MMRN1: variants seen among roughly 807,000 people sequenced by gnomAD.
MMRN1 encodes multimerin-1.
Under a neutral mutation model 100.7 loss-of-function variants are expected in MMRN1, and 94 were observed. The observed-to-expected ratio is 0.93, with a 90% CI of 0.79 to 1.11. MMRN1 has a LOEUF of 1.11. MMRN1 is among the 50% of genes least tolerant of loss of function. The pLI is 0.00. For missense variants in MMRN1, 1,606 were observed against 1,439.1 expected (o/e 1.12, Z -1.88); for synonymous variants, 575 against 505.0 (o/e 1.14, Z -1.86).
intron 6 of MMRN1, among the ~76,000 whole-genome samples, chr4:89,938,143 TA>T (rs1266718352): frequency 6.6e-6 from 1 of 151,926 alleles, no homozygotes; most frequent in East Asian, 1.9e-4. Context: ...AATGTTTTGA[TA>T]ATATTAAAAA....
At chr4:89,918,775 A>T (rs1721998748) in intron 3 of MMRN1, among the ~76,000 whole-genome samples, 1 of 151,882 alleles carries the variant, frequency 6.6e-6, no homozygotes, top group Non-Finnish European at 1.5e-5. Flanking sequence ...ATTATTGCAC[A>T]GGCTTCACCT....
At chr4:89,906,988 G>A (rs371101451) in intron 1 of MMRN1, among the ~76,000 whole-genome samples, 50 of 151,478 alleles carry the variant, frequency 3.3e-4, no homozygotes, top group African/African-American at 1.1e-3. Context: ...ATGTAGTGAC[G>A]GTGATACTTG....
intron 4 of MMRN1, among the ~76,000 whole-genome samples, chr4:89,925,986 C>T (rs1261549701): frequency 1.3e-5 from 2 of 152,252 alleles, no homozygotes; most frequent in East Asian, 3.9e-4. Flanking sequence ...AATAATACTC[C>T]ATTGTGTATA....
chr4:89,934,751 G>T, intron 5 of MMRN1, 59 bp from the exon 6 acceptor site: 2 of 968,036 alleles, frequency 2.1e-6, no homozygotes, highest in Non-Finnish European at 1.4e-6. Context: ...TTATCTTTTA[G>T]AGATGCTTAA....
chr4:89,904,288 A>G (rs1220536466), intron 1 of MMRN1, among the ~76,000 whole-genome samples: 1 of 151,834 alleles, frequency 6.6e-6, no homozygotes, highest in African/African-American at 2.4e-5. Context: ...TAAAATATAC[A>G]TTAAAAAATT....
intron 6 of MMRN1, among the ~76,000 whole-genome samples, chr4:89,941,271 G>C (rs1000549401): frequency 7.2e-5 from 11 of 152,116 alleles, no homozygotes; most frequent in African/African-American, 2.7e-4. Flanking sequence ...GTGCTCACAG[G>C]ATCTGGCATA....
intron 1 of MMRN1, among the ~76,000 whole-genome samples, chr4:89,904,651 T>G: frequency 6.6e-6 from 1 of 151,752 alleles, no homozygotes; most frequent in Non-Finnish European, 1.5e-5. Flanking sequence ...TGTGTGTGTT[T>G]GTGTGTGTGA....
intron 5 of MMRN1, among the ~76,000 whole-genome samples, chr4:89,932,339 G>A (rs986700915): frequency 6.6e-6 from 1 of 152,136 alleles, no homozygotes; most frequent in African/African-American, 2.4e-5. Flanking sequence ...TCCATGGGCT[G>A]ATTTTGAAGG....
In MMRN1 at chr4:89,936,734, G is replaced by C. The variant is rs770072400; in HGVS notation, c.3054G>C (p.Thr1018=). 6.2e-7 allele frequency: 1 copy of C among 1,612,890 alleles called. No individual in the cohort carries two copies. Among genetic ancestry groups the C allele is most frequent in the Non-Finnish European group, 8.5e-7 (1 of 1,179,452 alleles). Residue 1018 remains threonine, a synonymous_variant, in exon 6 of 8, where the codon ACG becomes ACC. Coordinates refer to ENST00000264790, the MANE Select transcript of MMRN1 (RefSeq NM_007351.3). ...PKKINALKKP[T]VNLTTVLIGR... Reference sequence around the variant, plus strand: ...AAATTAACGCACTTAAGAAACCAACGGTAAATCTTACCACAGTCCTGATAG... The same window carrying C: ...AAATTAACGCACTTAAGAAACCAACCGTAAATCTTACCACAGTCCTGATAG...
chr4:89,910,893 C>G (rs7666981), intron 2 of MMRN1, among the ~76,000 whole-genome samples: 24,681 of 151,266 alleles, frequency 0.16, 3,234 homozygotes, highest in African/African-American at 0.36. Context: ...CACATGTTCA[C>G]GGTTTACCCA....
chr4:89,916,877 C>T (rs1721938734), intron 3 of MMRN1, among the ~76,000 whole-genome samples: 1 of 151,500 alleles, frequency 6.6e-6, no homozygotes, highest in Admixed American at 6.6e-5. Flanking sequence ...TTCTTTTGAC[C>T]CTGAGGTCAA....
Position 89,935,030 on chromosome 4 carries a change from GCC to G in MMRN1, c.1352_1353del (p.Pro451HisfsTer4). The G allele has an allele frequency of 6.2e-7, 1 of 1,613,202 alleles. No individual in the cohort carries two copies. The highest frequency in any genetic ancestry group is 8.5e-7 in the Non-Finnish European group (1 of 1,179,646). On this transcript the variant is annotated frameshift_variant, in exon 6 of 8. Coordinates refer to ENST00000264790, the MANE Select transcript of MMRN1 (RefSeq NM_007351.3). LOFTEE classifies it high-confidence loss of function. ...AGTTTGTTTTGGTGCAAGAGAATCG[GCC>G]CACTTTGACTGATATAGTGGAACTA... ...QKFVLVQENR[P>X]TLTDIVELRN...
At chr4:89,929,812 G>C (rs974638303) in intron 5 of MMRN1, among the ~76,000 whole-genome samples, 1 of 152,106 alleles carries the variant, frequency 6.6e-6, no homozygotes, top group South Asian at 2.1e-4. Flanking sequence ...CCACCTCCAA[G>C]GTGCTGTGCT....
At chr4:89,923,018 G>A in intron 3 of MMRN1, 150 bp from the exon 4 acceptor site, 1 of 638,136 alleles carries the variant, frequency 1.6e-6, no homozygotes, top group Non-Finnish European at 2.8e-6. Flanking sequence ...CCTATGGTTG[G>A]GGGCGGAGCA....
chr4:89,929,469 A>AT (rs1192525552), intron 5 of MMRN1, among the ~76,000 whole-genome samples: 1 of 152,068 alleles, frequency 6.6e-6, no homozygotes, highest in African/African-American at 2.4e-5. Flanking sequence ...AGAAGGAAAC[A>AT]TTTTTCCCCC....
In MMRN1 at chr4:89,927,880, G is replaced by C; in HGVS notation, c.1041G>C (p.Leu347Phe). The change falls in exon 5 of 8, where the codon TTG becomes TTC. Residue 347 changes from leucine (L) to phenylalanine (F), a missense_variant. Coordinates refer to ENST00000264790, the MANE Select transcript of MMRN1 (RefSeq NM_007351.3). The part of the protein sequence containing the change: ...LLQKKIDNIS[L>F]TVNDVRNTYS... ...AGAAGAAGATTGACAATATTTCTTTGACTGTGAATGATGTAAGGAACACTT... is the reference window on the plus strand; with the variant it reads ...AGAAGAAGATTGACAATATTTCTTTCACTGTGAATGATGTAAGGAACACTT... The C allele has an allele frequency of 6.2e-7, 1 of 1,611,982 alleles. No individual in the cohort carries two copies.
chr4:89,909,322 T>C lies in MMRN1; in HGVS notation c.670T>C (p.Leu224=), dbSNP rs61733795. ...VHTRLSPTVI[L]DNQVTYVPGG... ...TACCAGGTTATCTCCCACAGTGATA[T>C]TGGACAACCAGGTCACTTATGTCCC... Residue 224 remains leucine (L), a synonymous_variant, in exon 2 of 8, where the codon TTG becomes CTG. Transcript: ENST00000264790. The C allele has an allele frequency of 2.7e-3, 4,327 of 1,609,990 alleles. 118 individuals carry two copies. In the African/African-American group the frequency reaches 0.05, roughly 19 times the overall value.
At chr4:89,944,916 G>C (rs1163057246) in intron 6 of MMRN1, among the ~76,000 whole-genome samples, 1 of 152,128 alleles carries the variant, frequency 6.6e-6, no homozygotes, top group African/African-American at 2.4e-5. Flanking sequence ...TAGCCTATGA[G>C]TTTTGACAAA....
intron 6 of MMRN1, among the ~76,000 whole-genome samples, chr4:89,945,332 T>C (rs1378723343): frequency 6.6e-6 from 1 of 152,182 alleles, no homozygotes; most frequent in Non-Finnish European, 1.5e-5. Flanking sequence ...TTTGTATGAA[T>C]GTCAGTTTTT....
Sources: allele counts gnomAD v4.1 joint callset (sites outside exome capture counted in the v4.1 genomes callset), GRCh38; gene constraint gnomAD v4.1.1; transcripts MANE v1.5; gene names NCBI Gene and HGNC (gene_info 2026-07-23, HGNC 2026-07-21).